The following RIMS2 variants were observed in gnomAD, a reference collection of about 807,000 sequenced individuals.
RIMS2 encodes the protein regulating synaptic membrane exocytosis protein 2.
RIMS2 carries 59 observed loss-of-function variants against 174.4 expected under a neutral mutation model. That is an observed-to-expected ratio of 0.34 (90% confidence interval 0.27 to 0.42). The LOEUF is 0.42. Among genes scored for constraint, RIMS2 ranks in the 10% least tolerant of loss-of-function variants. The pLI is 1.00. For missense variants in RIMS2, 1,620 were observed against 1,666.3 expected (o/e 0.97, Z 0.48); for synonymous variants, 606 against 572.5 (o/e 1.06, Z -0.84).
At chr8:103,975,478 T>C (rs905574703) in exon 16 of RIMS2, 8 of 1,613,370 alleles carry the variant, frequency 5.0e-6, no homozygotes, top group Non-Finnish European at 6.8e-6. Flanking sequence ...GACTAGATCA[T>C]GGTCACCCAG....
intron 19 of RIMS2, among the ~76,000 whole-genome samples, chr8:104,074,649 T>G (rs2097257410): frequency 1.3e-5 from 2 of 152,042 alleles, no homozygotes; most frequent in African/African-American, 2.4e-5. Flanking sequence ...AAAATGAAAT[T>G]TAGAGGAAAA....
intron 3 of RIMS2, chr8:103,768,476 G>A: frequency 3.7e-6 from 3 of 811,324 alleles, no homozygotes; most frequent in Non-Finnish European, 6.7e-6. Context: ...CATGAAGAGG[G>A]GTGTCTTGAT....
At chr8:103,884,941 A>G (rs776331180) in intron 3 of RIMS2, among the ~76,000 whole-genome samples, 18 of 152,010 alleles carry the variant, frequency 1.2e-4, no homozygotes, top group Non-Finnish European at 2.4e-4. Context: ...GATGGAGGAA[A>G]TATTTTTCTA....
intron 1 of RIMS2, among the ~76,000 whole-genome samples, chr8:103,571,148 G>A (rs528002592): frequency 8.6e-4 from 131 of 152,300 alleles, no homozygotes; most frequent in African/African-American, 3.1e-3. Flanking sequence ...AACAGCAGCT[G>A]TGATGTGTCT....
intron 15 of RIMS2, among the ~76,000 whole-genome samples, chr8:103,971,124 T>C (rs1353317061): frequency 6.6e-6 from 1 of 152,182 alleles, no homozygotes; most frequent in African/African-American, 2.4e-5. Flanking sequence ...TATATATAGA[T>C]AAAATATCAA....
chr8:104,231,954 C>T (rs764021510), intron 19 of RIMS2, among the ~76,000 whole-genome samples: 2 of 152,176 alleles, frequency 1.3e-5, no homozygotes, highest in African/African-American at 2.4e-5. Context: ...AATTATAGAA[C>T]ATTTCTCTCA....
chr8:104,212,036 A>G (rs1196395978), intron 19 of RIMS2, among the ~76,000 whole-genome samples: 2 of 152,160 alleles, frequency 1.3e-5, no homozygotes, highest in African/African-American at 2.4e-5. Context: ...TTGAGCAACT[A>G]TTTGGCTGCT....
At chr8:104,154,012 G>C (rs538500018) in intron 19 of RIMS2, among the ~76,000 whole-genome samples, 1 of 152,288 alleles carries the variant, frequency 6.6e-6, no homozygotes, top group Admixed American at 6.5e-5. Flanking sequence ...GAAGAGGTGA[G>C]TTAGAGTCAG....
intron 19 of RIMS2, among the ~76,000 whole-genome samples, chr8:104,139,578 T>C (rs1440591953): frequency 1.3e-5 from 2 of 152,228 alleles, no homozygotes; most frequent in Non-Finnish European, 2.9e-5. Context: ...TGTTGCCATA[T>C]AGAAATGCTA....
intron 2 of RIMS2, among the ~76,000 whole-genome samples, chr8:103,763,987 T>G (rs1310661133): frequency 6.6e-6 from 1 of 152,172 alleles, no homozygotes; most frequent in Non-Finnish European, 1.5e-5. Context: ...CAGAATTACC[T>G]GGAGGGTTTG....
chr8:103,738,148 A>T (rs560336213), intron 2 of RIMS2, among the ~76,000 whole-genome samples: 75 of 152,278 alleles, frequency 4.9e-4, no homozygotes, highest in Non-Finnish European at 8.5e-4. Context: ...ATATTTCCTG[A>T]TATCACTAAT....
At chr8:104,212,510 C>T (rs1288172849) in intron 19 of RIMS2, among the ~76,000 whole-genome samples, 12 of 152,146 alleles carry the variant, frequency 7.9e-5, no homozygotes, top group Non-Finnish European at 8.8e-5. Context: ...ACCTGAAAGT[C>T]CCATTGGATG....
At chr8:103,797,699 A>G (rs1052357693) in intron 3 of RIMS2, among the ~76,000 whole-genome samples, 9 of 152,194 alleles carry the variant, frequency 5.9e-5, no homozygotes, top group African/African-American at 2.2e-4. Flanking sequence ...GTGATGGATC[A>G]TTTTAAGTGT....
intron 19 of RIMS2, chr8:104,223,432 T>A: frequency 7.7e-7 from 1 of 1,304,814 alleles, no homozygotes; most frequent in Non-Finnish European, 9.7e-7. Context: ...CGCCTCCATC[T>A]CCTCCTCTGG....
At chr8:103,699,315 C>T (rs1435660572) in intron 2 of RIMS2, among the ~76,000 whole-genome samples, 1 of 152,178 alleles carries the variant, frequency 6.6e-6, no homozygotes, top group Non-Finnish European at 1.5e-5. Flanking sequence ...CAGTCTTGAC[C>T]CCCTGGGCTC....
intron 3 of RIMS2, among the ~76,000 whole-genome samples, chr8:103,883,436 T>A (rs1003550199): frequency 6.6e-6 from 1 of 151,744 alleles, no homozygotes; most frequent in Admixed American, 6.6e-5. Context: ...CACACACATA[T>A]ACACAGAAAC....
At chr8:103,912,973 T>TTTG (rs2075977721) in intron 6 of RIMS2, among the ~76,000 whole-genome samples, 1 of 143,084 alleles carries the variant, frequency 7.0e-6, no homozygotes, top group South Asian at 2.3e-4. Context: ...TTTTGTTGTT[T>TTTG]TTTTTTTTTT....
intron 4 of RIMS2, among the ~76,000 whole-genome samples, chr8:103,896,583 A>G (rs962614250): frequency 2.0e-5 from 3 of 151,732 alleles, no homozygotes; most frequent in African/African-American, 7.3e-5. Flanking sequence ...ATCTAGAAGT[A>G]CCACCTTTTG....
chr8:103,748,837 G>T (rs530631816), intron 2 of RIMS2, among the ~76,000 whole-genome samples: 1 of 150,350 alleles, frequency 6.7e-6, no homozygotes, highest in Non-Finnish European at 1.5e-5. Context: ...TTTTACTCTT[G>T]TTGCCCAAGC....
Sources: gnomAD v4.1 joint callset for allele counts (sites outside exome capture counted in the v4.1 genomes callset) on GRCh38, gnomAD v4.1.1 for gene constraint, MANE v1.5 for transcripts, NCBI Gene and HGNC (gene_info 2026-07-23, HGNC 2026-07-21) for gene names.